The following TTLL5 variants were observed in gnomAD, a reference collection of about 807,000 sequenced individuals.
TTLL5 encodes the protein tubulin polyglutamylase TTLL5.
TTLL5 carries 132 observed loss-of-function variants against 168.4 expected under a neutral mutation model. The ratio of observed to expected loss-of-function variants is 0.78; its 90% CI spans 0.68 to 0.91. The LOEUF (loss-of-function observed/expected upper bound fraction) is 0.91, where lower values mean the gene tolerates loss of function less well. Ranked by LOEUF, TTLL5 falls within the 40% of genes least tolerant of loss-of-function variation. The pLI, the probability that TTLL5 is intolerant of heterozygous loss-of-function variation, is 0.00. For synonymous variants in TTLL5, 546 were observed against 558.6 expected (o/e 0.98, Z 0.32); for missense variants, 1,545 against 1,581.5 (o/e 0.98, Z 0.39).
intron 31 of TTLL5, among the ~76,000 whole-genome samples, chr14:75,927,736 C>T (rs2034123892): frequency 6.6e-6 from 1 of 152,188 alleles, no homozygotes; most frequent in Non-Finnish European, 1.5e-5. Context: ...GGCCTGGCCT[C>T]ACTCTCTTTT....
At chr14:75,912,822 G>A (rs1449712769) in intron 31 of TTLL5, among the ~76,000 whole-genome samples, 3 of 152,174 alleles carry the variant, frequency 2.0e-5, no homozygotes, top group South Asian at 2.1e-4. Flanking sequence ...GGCCAATAGA[G>A]TGCTGTGTTT....
intron 12 of TTLL5, among the ~76,000 whole-genome samples, chr14:75,724,457 T>G (rs990571676): frequency 1.3e-5 from 2 of 152,206 alleles, no homozygotes; most frequent in African/African-American, 4.8e-5. Flanking sequence ...TATTAGTGTT[T>G]AAATGTAGAC....
chr14:75,887,185 T>C (rs2032166236), intron 30 of TTLL5: 1 of 1,001,052 alleles, frequency 1.0e-6, no homozygotes, highest in African/African-American at 1.7e-5. Flanking sequence ...CTGGGTAGCC[T>C]GGTAGCACCA....
At chr14:75,908,353 CA>C (rs2033232754) in intron 31 of TTLL5, among the ~76,000 whole-genome samples, 1 of 149,380 alleles carries the variant, frequency 6.7e-6, no homozygotes, top group East Asian at 2.0e-4. Context: ...AGGTTGTTTA[CA>C]AAGTGAGGAG....
intron 27 of TTLL5, chr14:75,814,488 G>T (rs896761278): frequency 6.6e-6 from 1 of 152,132 alleles, no homozygotes; most frequent in African/African-American, 2.4e-5. Context: ...GAAACCTTCA[G>T]GTATGAACCC....
rs724743 is a variant in TTLL5, at chr14:75,663,248, A to G, written c.74+25A>G. The G allele has an allele frequency of 3.2e-3, 5,139 of 1,599,164 alleles. 152 individuals are homozygous for G. The African/African-American group carries it at 0.06, about 19-fold the overall frequency. On this transcript the variant is annotated intron_variant, in intron 2 of 31. Coordinates refer to ENST00000298832, the MANE Select transcript of TTLL5 (RefSeq NM_015072.5). ...AGTAAGTAATAGCAAGCCTGCTTTCAACCTGTGCTTTGTACTCTTTCACTT... is the reference window on the plus strand; with the variant it reads ...AGTAAGTAATAGCAAGCCTGCTTTCGACCTGTGCTTTGTACTCTTTCACTT...
At chr14:75,788,936 G>A (rs963732974) in intron 26 of TTLL5, among the ~76,000 whole-genome samples, 22 of 152,074 alleles carry the variant, frequency 1.4e-4, no homozygotes, top group Admixed American at 1.4e-3. Flanking sequence ...TGTAAGAGGG[G>A]TTTAACATTA....
At chr14:75,785,756 G>T (rs530205202) in intron 26 of TTLL5, among the ~76,000 whole-genome samples, 1 of 152,020 alleles carries the variant, frequency 6.6e-6, no homozygotes, top group East Asian at 1.9e-4. Flanking sequence ...ATATCACATT[G>T]TCTTGATTGC....
intron 28 of TTLL5, among the ~76,000 whole-genome samples, chr14:75,830,804 A>G (rs1167573847): frequency 1.3e-5 from 2 of 152,160 alleles, no homozygotes; most frequent in Non-Finnish European, 2.9e-5. Context: ...TATTGAGTAA[A>G]AGCATGAGTG....
intron 30 of TTLL5, among the ~76,000 whole-genome samples, chr14:75,895,474 A>G (rs1204579932): frequency 6.6e-6 from 1 of 152,086 alleles, no homozygotes; most frequent in Non-Finnish European, 1.5e-5. Context: ...AACGGTTCAC[A>G]CTCTTCAACC....
chr14:75,928,593 A>G lies in TTLL5; in HGVS notation c.3824-25831A>G, dbSNP rs1363682682. Among the ~76,000 whole-genome samples the G allele has an allele frequency of 2.6e-5, 4 of 151,724 alleles. 1 individual carries two copies. Among genetic ancestry groups the G allele is most frequent in the African/African-American group, 9.7e-5 (4 of 41,246 alleles). ...TTGATGTATTTCTCAGCATTCTACG[A>G]TGCTTATTACACTAAAAAAAAGACA... On this transcript the variant is annotated intron_variant, in intron 31 of 31. Coordinates refer to ENST00000298832, the MANE Select transcript of TTLL5 (RefSeq NM_015072.5).
chr14:75,718,967 G>A (rs182750276), intron 10 of TTLL5, among the ~76,000 whole-genome samples: 13 of 152,314 alleles, frequency 8.5e-5, no homozygotes, highest in African/African-American at 3.1e-4. Context: ...CATTTGCATT[G>A]ACTGAAGAGA....
At chr14:75,811,122 G>C (rs1010265064) in intron 27 of TTLL5, among the ~76,000 whole-genome samples, 1 of 147,902 alleles carries the variant, frequency 6.8e-6, no homozygotes, top group Non-Finnish European at 1.5e-5. Context: ...GGGAGAAATA[G>C]AGGGGGTGGG....
chr14:75,897,550 C>T, intron 30 of TTLL5, among the ~76,000 whole-genome samples: 1 of 152,178 alleles, frequency 6.6e-6, no homozygotes, highest in African/African-American at 2.4e-5. Flanking sequence ...AATCTTGGCT[C>T]ACTGCAACCT....
intron 6 of TTLL5, among the ~76,000 whole-genome samples, chr14:75,697,038 A>G (rs1594887449): frequency 6.6e-6 from 1 of 152,338 alleles, no homozygotes. Flanking sequence ...AAATGGTTGG[A>G]AAGAAATCAA....
chr14:75,896,340 G>C (rs950931351), intron 30 of TTLL5, among the ~76,000 whole-genome samples: 1 of 152,072 alleles, frequency 6.6e-6, no homozygotes, highest in African/African-American at 2.4e-5. Flanking sequence ...TTTTTCTTGG[G>C]AATTGAAAGA....
At chr14:75,917,160 G>A (rs2033647354) in intron 31 of TTLL5, among the ~76,000 whole-genome samples, 1 of 152,220 alleles carries the variant, frequency 6.6e-6, no homozygotes, top group African/African-American at 2.4e-5. Flanking sequence ...CTGTACACTT[G>A]AAATTGTTAG....
chr14:75,871,771 A>T (rs147980052), intron 29 of TTLL5, among the ~76,000 whole-genome samples: 1 of 152,350 alleles, frequency 6.6e-6, no homozygotes, highest in Non-Finnish European at 1.5e-5. Flanking sequence ...AGATGGTGGC[A>T]GCCAGGGGAA....
At chr14:75,842,451 T>C (rs899069642) in intron 28 of TTLL5, among the ~76,000 whole-genome samples, 1 of 152,174 alleles carries the variant, frequency 6.6e-6, no homozygotes, top group African/African-American at 2.4e-5. Flanking sequence ...ATTTTCTTAA[T>C]GTTCCTTAAG....
Sources: allele counts gnomAD v4.1 joint callset (sites outside exome capture counted in the v4.1 genomes callset), GRCh38; gene constraint gnomAD v4.1.1; transcripts MANE v1.5; gene names NCBI Gene and HGNC (gene_info 2026-07-23, HGNC 2026-07-21).